PCDH9: variants seen among roughly 807,000 people sequenced by gnomAD.
PCDH9 encodes the protein protocadherin-9.
A neutral mutation model predicts 70.6 loss-of-function variants in PCDH9; 24 were observed. The observed-to-expected ratio is 0.34, with a 90% CI of 0.25 to 0.48. PCDH9 has a LOEUF of 0.48. PCDH9 is among the 20% of genes least tolerant of loss of function. The pLI, the probability that PCDH9 is intolerant of heterozygous loss-of-function variation, is 0.99. For synonymous variants in PCDH9, 562 were observed against 558.5 expected (o/e 1.01, Z -0.09); for missense variants, 1,281 against 1,503.6 (o/e 0.85, Z 2.45).
In PCDH9 at chr13:66,777,096, G is replaced by T. The variant is rs2079908614; in HGVS notation, c.3138+126408C>A. Among the ~76,000 whole-genome samples, 4 of 150,456 alleles carry T rather than the reference G, an allele frequency of 2.7e-5. No individual in the cohort carries two copies. In the South Asian group the frequency reaches 8.4e-4, roughly 31 times the overall value. On this transcript the variant is annotated intron_variant, in intron 3 of 4. Coordinates refer to ENST00000377865, the MANE Select transcript of PCDH9 (RefSeq NM_203487.3). ...AGCCATATGTAGAAAGCTGAAACTGGATCCCTTCCTTACACCTTATACAAA... is the reference window on the plus strand; with the variant it reads ...AGCCATATGTAGAAAGCTGAAACTGTATCCCTTCCTTACACCTTATACAAA...
chr13:66,893,185 T>C (rs926053324), intron 3 of PCDH9, among the ~76,000 whole-genome samples: 1 of 152,292 alleles, frequency 6.6e-6, no homozygotes, highest in Non-Finnish European at 1.5e-5. Flanking sequence ...ACCAGTTGAA[T>C]GCATGGAGGA....
chr13:66,599,552 A>AT (rs113343487), intron 4 of PCDH9, among the ~76,000 whole-genome samples: 6,372 of 147,764 alleles, frequency 0.043, 190 homozygotes, highest in Non-Finnish European at 0.064. Context: ...TTTTTAATTA[A>AT]TTTTTTTTTT....
chr13:66,732,147 A>C (rs1461735967), intron 3 of PCDH9, among the ~76,000 whole-genome samples: 1 of 152,002 alleles, frequency 6.6e-6, no homozygotes, highest in Non-Finnish European at 1.5e-5. Context: ...TCTTTGATAT[A>C]CAATAGTTGT....
At chr13:66,782,408 G>A (rs1186602345) in intron 3 of PCDH9, among the ~76,000 whole-genome samples, 1 of 152,030 alleles carries the variant, frequency 6.6e-6, no homozygotes, top group African/African-American at 2.4e-5. Flanking sequence ...TATCAATCAT[G>A]GTAATCTCTA....
chr13:67,098,410 G>A (rs557793617), intron 2 of PCDH9, among the ~76,000 whole-genome samples: 25 of 152,136 alleles, frequency 1.6e-4, no homozygotes, highest in East Asian at 1.4e-3. Flanking sequence ...AACATTAAGC[G>A]TAATAAAAAA....
intron 4 of PCDH9, among the ~76,000 whole-genome samples, chr13:66,479,679 A>G (rs1958801938): frequency 3.3e-5 from 5 of 152,154 alleles, no homozygotes; most frequent in Admixed American, 2.6e-4. Context: ...AAATGCACCA[A>G]TCAGCTCCCT....
chr13:67,041,569 C>T (rs1436230750), intron 2 of PCDH9, among the ~76,000 whole-genome samples: 1 of 152,114 alleles, frequency 6.6e-6, no homozygotes, highest in Non-Finnish European at 1.5e-5. Context: ...CAGTGGCTCA[C>T]GCCTGTAATC....
At chr13:66,536,599 C>G (rs1216111601) in intron 4 of PCDH9, among the ~76,000 whole-genome samples, 1 of 151,930 alleles carries the variant, frequency 6.6e-6, no homozygotes, top group Non-Finnish European at 1.5e-5. Flanking sequence ...AATACAAATA[C>G]AAATGACCAA....
intron 3 of PCDH9, among the ~76,000 whole-genome samples, chr13:66,713,653 AAT>A (rs1463894357): frequency 5.9e-5 from 8 of 136,410 alleles, no homozygotes; most frequent in African/African-American, 2.2e-4. Context: ...ATATATATAT[AAT>A]GTACACACAC....
intron 3 of PCDH9, among the ~76,000 whole-genome samples, chr13:66,712,179 C>T (rs2078803840): frequency 6.6e-6 from 1 of 152,122 alleles, no homozygotes; most frequent in African/African-American, 2.4e-5. Context: ...TAGTCCCTTG[C>T]ATATTTTAGG....
rs539169084 is a variant in PCDH9, at chr13:66,396,117, T to C, written c.3341-91089A>G. 2.0e-5 allele frequency among the ~76,000 whole-genome samples: 3 copies of C among 152,236 alleles called. No individual in the cohort carries two copies. The East Asian group carries it at 5.8e-4, about 29-fold the overall frequency. ...GTTTCAAGGCTTGAAGTTAGTATAATCAAGAGGAGAATTTAGGTATAGGGA... is the reference window on the plus strand; with the variant it reads ...GTTTCAAGGCTTGAAGTTAGTATAACCAAGAGGAGAATTTAGGTATAGGGA... On this transcript the variant is annotated intron_variant, in intron 4 of 4. Transcript: ENST00000377865.
At chr13:67,134,618 T>A (rs1225541084) in intron 2 of PCDH9, among the ~76,000 whole-genome samples, 1 of 152,110 alleles carries the variant, frequency 6.6e-6, no homozygotes, top group Non-Finnish European at 1.5e-5. Context: ...TCTTTTTAAA[T>A]ACAAAAGCAC....
At chr13:66,858,140 T>C (rs1214252983) in intron 3 of PCDH9, among the ~76,000 whole-genome samples, 1 of 152,182 alleles carries the variant, frequency 6.6e-6, no homozygotes. Flanking sequence ...GCTTAAACAT[T>C]GTAAATTTAT....
chr13:67,222,073 C>T (rs1036801857), intron 2 of PCDH9: 5 of 152,042 alleles, frequency 3.3e-5, no homozygotes, highest in African/African-American at 9.7e-5. Flanking sequence ...CCAAATGATT[C>T]CCAGACATTC....
chr13:66,753,816 A>G (rs1172874303), intron 3 of PCDH9, among the ~76,000 whole-genome samples: 6 of 152,212 alleles, frequency 3.9e-5, no homozygotes, highest in Admixed American at 3.3e-4. Context: ...AAAATATGCC[A>G]TGATTTATTT....
At chr13:66,874,449 A>G (rs777085021) in intron 3 of PCDH9, among the ~76,000 whole-genome samples, 2 of 152,076 alleles carry the variant, frequency 1.3e-5, no homozygotes, top group Non-Finnish European at 2.9e-5. Context: ...ATTTTACTTT[A>G]TACTATGTGC....
At chr13:66,527,490 C>A (rs563056502) in intron 4 of PCDH9, among the ~76,000 whole-genome samples, 6 of 152,176 alleles carry the variant, frequency 3.9e-5, no homozygotes, top group Non-Finnish European at 7.4e-5. Context: ...CCATTAAGGT[C>A]CTTACATGAA....
chr13:67,208,709 T>A (rs1346808687), intron 2 of PCDH9: 1 of 152,166 alleles, frequency 6.6e-6, no homozygotes, highest in South Asian at 2.1e-4. Context: ...TGGTCATGTT[T>A]GAATATGACA....
intron 3 of PCDH9, among the ~76,000 whole-genome samples, chr13:66,874,942 T>TGTGTGTGTGTGAGAGAGA (rs533672911): frequency 3.1e-4 from 34 of 109,932 alleles, no homozygotes; most frequent in African/African-American, 9.0e-4. Context: ...TGTGTGTGTG[T>TGTGTGTGTGTGAGAGAGA]GAGAGAGAGA....
Sources: allele counts gnomAD v4.1 joint callset (sites outside exome capture counted in the v4.1 genomes callset), GRCh38; gene constraint gnomAD v4.1.1; transcripts MANE v1.5; gene names NCBI Gene and HGNC (gene_info 2026-07-23, HGNC 2026-07-21).